Variants in NLGN1 observed in about 807,000 individuals in gnomAD.
NLGN1 encodes neuroligin-1.
A neutral mutation model predicts 65.5 loss-of-function variants in NLGN1; 12 were observed. That is an observed-to-expected ratio of 0.18 (90% CI 0.12 to 0.30). NLGN1 has a LOEUF of 0.30. NLGN1 is among the 10% of genes least tolerant of loss of function. NLGN1 has a pLI of 1.00. For missense variants in NLGN1, 750 were observed against 1,007.1 expected (o/e 0.74, Z 3.46); for synonymous variants, 350 against 359.5 (o/e 0.97, Z 0.30).
chr3:173,657,945 A>G (rs1760323230), intron 3 of NLGN1, among the ~76,000 whole-genome samples: 1 of 151,954 alleles, frequency 6.6e-6, no homozygotes, highest in South Asian at 2.1e-4. Flanking sequence ...TGGTAGAGTA[A>G]TAAACTTAAG....
At chr3:173,907,278 T>C (rs1433056752) in intron 4 of NLGN1, among the ~76,000 whole-genome samples, 1 of 152,234 alleles carries the variant, frequency 6.6e-6, no homozygotes, top group African/African-American at 2.4e-5. Context: ...CTCCTTGTTA[T>C]TCATATCAAA....
chr3:173,988,893 T>G (rs946651596), intron 4 of NLGN1, among the ~76,000 whole-genome samples: 4 of 152,176 alleles, frequency 2.6e-5, no homozygotes, highest in African/African-American at 9.7e-5. Context: ...TTACCATCAC[T>G]GTGATATTAT....
chr3:173,607,261 C>G (rs113665788), intron 3 of NLGN1, among the ~76,000 whole-genome samples: 10 of 151,828 alleles, frequency 6.6e-5, no homozygotes, highest in Non-Finnish European at 1.3e-4. Context: ...TTTACCTTCA[C>G]AAACTCTGAA....
At chr3:173,611,962 A>G (rs1249517958) in intron 3 of NLGN1, among the ~76,000 whole-genome samples, 2 of 151,966 alleles carry the variant, frequency 1.3e-5, no homozygotes, top group African/African-American at 4.8e-5. Flanking sequence ...TTCTTTTCAC[A>G]TATATGGCAT....
intron 4 of NLGN1, among the ~76,000 whole-genome samples, chr3:174,024,670 C>G (rs569161419): frequency 1.3e-5 from 2 of 152,170 alleles, no homozygotes; most frequent in Non-Finnish European, 2.9e-5. Context: ...CTGAAGTCTT[C>G]TATCCAAAGC....
intron 2 of NLGN1, among the ~76,000 whole-genome samples, chr3:173,603,211 C>A (rs1577483477): frequency 6.6e-6 from 1 of 152,122 alleles, no homozygotes; most frequent in Admixed American, 6.6e-5. Flanking sequence ...GTAAGCACTT[C>A]AAAAGGTTGC....
chr3:173,857,901 A>G (rs1728304616), intron 4 of NLGN1, among the ~76,000 whole-genome samples: 1 of 145,156 alleles, frequency 6.9e-6, no homozygotes. Flanking sequence ...ATTGGGCTAC[A>G]TTGAGCATCT....
At chr3:173,855,834 A>G (rs1727843399) in intron 4 of NLGN1, among the ~76,000 whole-genome samples, 3 of 152,160 alleles carry the variant, frequency 2.0e-5, no homozygotes, top group Admixed American at 1.3e-4. Flanking sequence ...CAAGTCTTTT[A>G]TAATTTATAA....
intron 4 of NLGN1, among the ~76,000 whole-genome samples, chr3:173,980,903 A>G (rs1718634162): frequency 6.6e-6 from 1 of 152,164 alleles, no homozygotes; most frequent in Non-Finnish European, 1.5e-5. Flanking sequence ...AGAAATTAAT[A>G]CTTTGTAATT....
intron 4 of NLGN1, among the ~76,000 whole-genome samples, chr3:174,201,105 G>A (rs1024028135): frequency 1.3e-5 from 2 of 152,002 alleles, no homozygotes; most frequent in African/African-American, 4.8e-5. Flanking sequence ...GGGTGTGGTG[G>A]CACACACCTG....
intron 3 of NLGN1, among the ~76,000 whole-genome samples, chr3:173,713,935 A>G (rs1197050998): frequency 1.3e-5 from 2 of 152,122 alleles, no homozygotes; most frequent in African/African-American, 4.8e-5. Flanking sequence ...TATGCTTTTT[A>G]TGGCTGGTTA....
Position 173,689,766 on chromosome 3 carries a change from G to A in NLGN1, c.493+84675G>A, listed in dbSNP as rs546858623. ...CCCCATTCAATTAGGTACCTTGGAT[G>A]AACTACAATAAAAATCCTGTTCTCA... On this transcript the variant is annotated intron_variant, in intron 3 of 6. Transcript: ENST00000457714. 2.6e-5 allele frequency among the ~76,000 whole-genome samples: 4 copies of A among 152,186 alleles called. No individual in the cohort carries two copies. The South Asian group carries it at 8.3e-4, about 32-fold the overall frequency.
chr3:173,960,246 C>A (rs191762072), intron 4 of NLGN1, among the ~76,000 whole-genome samples: 6 of 151,906 alleles, frequency 3.9e-5, no homozygotes, highest in Admixed American at 2.6e-4. Context: ...TTGTGTTTTT[C>A]TTTTCTTGAA....
chr3:174,015,693 C>A (rs1452571426), intron 4 of NLGN1, among the ~76,000 whole-genome samples: 1 of 152,096 alleles, frequency 6.6e-6, no homozygotes, highest in Non-Finnish European at 1.5e-5. Context: ...CCATTTTTTA[C>A]AATGGAGAAA....
At chr3:173,894,795 G>A (rs1041443132) in intron 4 of NLGN1, among the ~76,000 whole-genome samples, 4 of 151,792 alleles carry the variant, frequency 2.6e-5, no homozygotes, top group Admixed American at 1.3e-4. Context: ...GGGCCACCAC[G>A]CCTGGCTAAT....
intron 1 of NLGN1, among the ~76,000 whole-genome samples, chr3:173,414,094 A>G (rs1713176362): frequency 1.3e-5 from 2 of 152,144 alleles, no homozygotes; most frequent in Non-Finnish European, 2.9e-5. Context: ...GGATGTGAAC[A>G]TATGGGAACA....
chr3:173,777,668 TC>T (rs1780518584), intron 3 of NLGN1, among the ~76,000 whole-genome samples: 1 of 150,834 alleles, frequency 6.6e-6, no homozygotes, highest in African/African-American at 2.4e-5. Flanking sequence ...TATCTATCTA[TC>T]TATCTATCCA....
Position 174,279,875 on chromosome 3 carries a change from T to G in NLGN1, c.1649+225T>G, listed in dbSNP as rs1310488326. Among the ~76,000 whole-genome samples the G allele has an allele frequency of 6.6e-6, 1 of 151,954 alleles. No homozygotes were observed. Among genetic ancestry groups the G allele is most frequent in the Non-Finnish European group, 1.5e-5 (1 of 67,926 alleles). ...TAAGAAAGCACATATCTCAATTGCA[T>G]TACTTAATTACATCTGCTTTTGGTT... On this transcript the variant is annotated intron_variant, in intron 6 of 6. Coordinates refer to ENST00000457714, the Ensembl canonical transcript of NLGN1. This position sits in a 1 kb window ranked among gnomAD's most constrained non-coding sequence, Gnocchi z 4.7.
intron 4 of NLGN1, among the ~76,000 whole-genome samples, chr3:174,266,206 C>A (rs1748202174): frequency 6.6e-6 from 1 of 151,968 alleles, no homozygotes; most frequent in African/African-American, 2.4e-5. Context: ...TCACCCTCCC[C>A]CTAGCCTCCA....
Sources: allele counts gnomAD v4.1 joint callset (sites outside exome capture counted in the v4.1 genomes callset), GRCh38; gene constraint gnomAD v4.1.1; non-coding constraint Gnocchi (gnomAD v3.1); transcripts MANE v1.5; gene names NCBI Gene and HGNC (gene_info 2026-07-23, HGNC 2026-07-21).